Variants in BLTP3A observed in about 807,000 individuals in gnomAD.
BLTP3A encodes bridge-like lipid transfer protein family member 3A.
At chr6:34,856,334 G>A in the BLTP3A span, 1 of 1,614,178 alleles carries the variant, frequency 6.2e-7, no homozygotes, top group Admixed American at 1.7e-5. Flanking sequence ...GAGCAAAATG[G>A]AGAAGTGGCA....
chr6:34,816,113 A>G, the BLTP3A span, among the ~76,000 whole-genome samples: 1 of 152,200 alleles, frequency 6.6e-6, no homozygotes, highest in Non-Finnish European at 1.5e-5. Flanking sequence ...ATGGAACTGT[A>G]AATAGAGTTA....
At chr6:34,804,971 C>A in the BLTP3A span, among the ~76,000 whole-genome samples, 2 of 152,078 alleles carry the variant, frequency 1.3e-5, no homozygotes, top group Admixed American at 1.3e-4. Context: ...TCTTTTACAT[C>A]ATGAGGTCAT....
At chr6:34,795,079 G>T in the BLTP3A span, among the ~76,000 whole-genome samples, 2 of 151,208 alleles carry the variant, frequency 1.3e-5, no homozygotes, top group East Asian at 3.9e-4. Context: ...GAGCCACCAC[G>T]CCTAGCCTTG....
chr6:34,812,094 C>G, the BLTP3A span, among the ~76,000 whole-genome samples: 283 of 151,476 alleles, frequency 1.9e-3, 1 homozygote, highest in African/African-American at 6.5e-3. Flanking sequence ...TTTGGGAGTC[C>G]AAGGTGGGAG....
the BLTP3A span, among the ~76,000 whole-genome samples, chr6:34,847,438 G>C: frequency 6.6e-6 from 1 of 151,882 alleles, no homozygotes; most frequent in Non-Finnish European, 1.5e-5. Flanking sequence ...TGGGTCCTGG[G>C]CTTTTCTTTG....
At chr6:34,820,216 T>A in the BLTP3A span, among the ~76,000 whole-genome samples, 1 of 152,142 alleles carries the variant, frequency 6.6e-6, no homozygotes, top group Non-Finnish European at 1.5e-5. Context: ...TCTGTTCCCC[T>A]CCCTTACTTT....
chr6:34,836,325 A>G, the BLTP3A span: 7 of 1,613,968 alleles, frequency 4.3e-6, no homozygotes, highest in African/African-American at 1.3e-5. Flanking sequence ...CACATTTGTG[A>G]TGATAGCCAG....
the BLTP3A span, among the ~76,000 whole-genome samples, chr6:34,824,219 A>G: frequency 6.6e-6 from 1 of 152,074 alleles, no homozygotes; most frequent in Admixed American, 6.6e-5. Flanking sequence ...TGGAAAAAAA[A>G]TATATTGCTA....
chr6:34,798,204 C>T, the BLTP3A span, among the ~76,000 whole-genome samples: 13 of 152,262 alleles, frequency 8.5e-5, no homozygotes, highest in East Asian at 2.3e-3. Context: ...TGAGATTAAT[C>T]CATATTTTGC....
chr6:34,842,144 C>T, the BLTP3A span, among the ~76,000 whole-genome samples: 5 of 152,270 alleles, frequency 3.3e-5, no homozygotes, highest in South Asian at 1.0e-3. Context: ...TCTTTTAGCT[C>T]TAAGCAACTC....
the BLTP3A span, among the ~76,000 whole-genome samples, chr6:34,799,122 A>G: frequency 1.3e-5 from 2 of 151,918 alleles, no homozygotes; most frequent in Non-Finnish European, 2.9e-5. Flanking sequence ...TTGTATTTTT[A>G]GTAGAGACAG....
the BLTP3A span, among the ~76,000 whole-genome samples, chr6:34,809,270 C>T: frequency 6.6e-6 from 1 of 151,936 alleles, no homozygotes; most frequent in African/African-American, 2.4e-5. Flanking sequence ...GTGCATGCCA[C>T]TAGTCTCAAC....
chr6:34,845,469 A>T, the BLTP3A span, among the ~76,000 whole-genome samples: 3 of 152,274 alleles, frequency 2.0e-5, no homozygotes, highest in South Asian at 6.2e-4. Context: ...CCCAGGCTGA[A>T]TTGCAGTGGT....
At chr6:34,857,089 T>A in the BLTP3A span, among the ~76,000 whole-genome samples, 1 of 152,232 alleles carries the variant, frequency 6.6e-6, no homozygotes, top group African/African-American at 2.4e-5. Flanking sequence ...GCTGGTGAGA[T>A]CAGGACTTGG....
At chr6:34,836,682 A>G in the BLTP3A span, among the ~76,000 whole-genome samples, 18 of 152,178 alleles carry the variant, frequency 1.2e-4, no homozygotes, top group African/African-American at 4.1e-4. Context: ...TCCTTAGGCA[A>G]TCCTGATGCT....
chr6:34,860,143 G>A, the BLTP3A span, among the ~76,000 whole-genome samples: 1 of 152,010 alleles, frequency 6.6e-6, no homozygotes, highest in Non-Finnish European at 1.5e-5. Context: ...TTGTGGCTTT[G>A]GACTTGTTTT....
At chr6:34,822,083 TTC>T in the BLTP3A span, 2 of 1,140,214 alleles carry the variant, frequency 1.8e-6, no homozygotes, top group African/African-American at 3.1e-5. Flanking sequence ...CCCTGTGAGC[TTC>T]TCTCTGAGAC....
chr6:34,830,589 C>T, the BLTP3A span, among the ~76,000 whole-genome samples: 4 of 151,274 alleles, frequency 2.6e-5, no homozygotes, highest in East Asian at 3.9e-4. Flanking sequence ...GACTCTGTCT[C>T]GGCGGGGAAA....
the BLTP3A span, among the ~76,000 whole-genome samples, chr6:34,865,934 G>A: frequency 5.9e-5 from 9 of 152,196 alleles, no homozygotes; most frequent in Admixed American, 1.3e-4. Context: ...TGGCAGGCCC[G>A]GGGCAGTGGC....
Sources: gnomAD v4.1 joint callset for allele counts (sites outside exome capture counted in the v4.1 genomes callset) on GRCh38, gnomAD v4.1.1 for gene constraint, MANE v1.5 for transcripts, NCBI Gene and HGNC (gene_info 2026-07-23, HGNC 2026-07-21) for gene names.